GFRA1: variants seen among roughly 807,000 people sequenced by gnomAD.
GFRA1 encodes the protein GDNF family receptor alpha-1.
In GFRA1, 16 loss-of-function variants were observed where a neutral mutation model predicts 51.6. The ratio of observed to expected loss-of-function variants is 0.31; its 90% CI spans 0.21 to 0.47. The LOEUF (loss-of-function observed/expected upper bound fraction) is 0.47, where lower values mean the gene tolerates loss of function less well. Among genes scored for constraint, GFRA1 ranks in the 20% least tolerant of loss-of-function variants. The pLI, the probability that GFRA1 is intolerant of heterozygous loss-of-function variation, is 1.00. For missense variants in GFRA1, 530 were observed against 594.3 expected (o/e 0.89, Z 1.13); for synonymous variants, 270 against 241.3 (o/e 1.12, Z -1.10).
intron 4 of GFRA1, among the ~76,000 whole-genome samples, chr10:116,244,700 G>C (rs896152558): frequency 3.3e-5 from 5 of 151,902 alleles, no homozygotes; most frequent in African/African-American, 1.2e-4. Flanking sequence ...TTGAAAATAG[G>C]ATTCCAAAGT....
intron 4 of GFRA1, among the ~76,000 whole-genome samples, chr10:116,260,872 C>G (rs1015268996): frequency 1.3e-5 from 2 of 151,556 alleles, no homozygotes; most frequent in Non-Finnish European, 3.0e-5. Flanking sequence ...AAGTGGTAAG[C>G]TCCTTTAACA....
Position 116,176,526 on chromosome 10 carries a change from C to T in GFRA1, c.433+35105G>A, listed in dbSNP as rs183390375. Among the ~76,000 whole-genome samples the T allele has an allele frequency of 3.3e-5, 5 of 152,216 alleles. No homozygotes were observed. The East Asian group carries it at 9.6e-4, about 29-fold the overall frequency. ...CTATCTCTTGCCACATCAAATGCTG[C>T]TCCCCCTTTACCTTCTGCCATGATT... On this transcript the variant is annotated intron_variant, in intron 5 of 10. Transcript: ENST00000355422.
intron 9 of GFRA1, among the ~76,000 whole-genome samples, chr10:116,077,801 T>TG (rs918937280): frequency 2.0e-5 from 3 of 152,118 alleles, no homozygotes; most frequent in Non-Finnish European, 2.9e-5. Context: ...GTCGGCAGGC[T>TG]GGGGGGGACA....
At chr10:116,105,724 TCCAGCAA>T (rs1423364592) in intron 6 of GFRA1, among the ~76,000 whole-genome samples, 1 of 152,202 alleles carries the variant, frequency 6.6e-6, no homozygotes, top group Non-Finnish European at 1.5e-5. Context: ...TTCAGAGATT[TCCAGCAA>T]CCACTGGGAA....
At chr10:116,069,361 C>T (rs148498330) in intron 9 of GFRA1, among the ~76,000 whole-genome samples, 4 of 152,094 alleles carry the variant, frequency 2.6e-5, no homozygotes, top group Admixed American at 2.0e-4. Context: ...GGGGAAACAC[C>T]ACCACTGAAA....
At chr10:116,164,127 GC>G (rs1403284706) in intron 5 of GFRA1, among the ~76,000 whole-genome samples, 1 of 152,098 alleles carries the variant, frequency 6.6e-6, no homozygotes, top group Non-Finnish European at 1.5e-5. Flanking sequence ...GGCCCTGCTT[GC>G]CACAGATGGA....
At chr10:116,211,506 CCT>C in intron 5 of GFRA1, 123 bp downstream of exon 5, 4 of 863,154 alleles carry the variant, frequency 4.6e-6, no homozygotes, top group Non-Finnish European at 7.6e-6. Context: ...TCATGGTGTC[CCT>C]GAGGGCCTAA....
intron 5 of GFRA1, among the ~76,000 whole-genome samples, chr10:116,161,809 G>A (rs1232253133): frequency 6.6e-6 from 1 of 152,142 alleles, no homozygotes; most frequent in African/African-American, 2.4e-5. Context: ...ACTCAGTCTT[G>A]GCTATGTTTT....
intron 10 of GFRA1, among the ~76,000 whole-genome samples, chr10:116,064,899 A>T (rs1565548025): frequency 6.6e-6 from 1 of 152,070 alleles, no homozygotes; most frequent in Non-Finnish European, 1.5e-5. Context: ...AGCGTTGGAG[A>T]CAGGCAGAGC....
At chr10:116,119,038 C>A (rs1346445687) in intron 6 of GFRA1, among the ~76,000 whole-genome samples, 1 of 152,200 alleles carries the variant, frequency 6.6e-6, no homozygotes, top group Non-Finnish European at 1.5e-5. Flanking sequence ...CTGGCTCCTG[C>A]CTGGTCCAGG....
intron 8 of GFRA1, among the ~76,000 whole-genome samples, 198 bp downstream of exon 8, chr10:116,093,503 GC>G (rs1006997236): frequency 6.6e-6 from 1 of 152,072 alleles, no homozygotes; most frequent in Non-Finnish European, 1.5e-5. Context: ...ACACGGGGTG[GC>G]CCACAAAAGG....
rs539690615 is a variant in GFRA1, at chr10:116,211,538, C to A, written c.433+93G>T. ...GCCTAAATGACATGTCCATAGAGAA[C>A]GGGAAACCCCATAACCCTCTGTACA... is the stretch of plus-strand genomic sequence containing the variant. On this transcript the variant is annotated intron_variant, in intron 5 of 10. Transcript: ENST00000355422. The A allele has an allele frequency of 2.5e-5, 29 of 1,178,866 alleles. No homozygotes were observed. The South Asian group carries it at 3.6e-4, about 15-fold the overall frequency. The allele number at this position is 1,178,866 out of a possible 1,614,324, so 73.0% of individuals were successfully genotyped here.
intron 4 of GFRA1, among the ~76,000 whole-genome samples, chr10:116,252,956 AC>A (rs1251243999): frequency 6.6e-6 from 1 of 151,978 alleles, no homozygotes; most frequent in Non-Finnish European, 1.5e-5. Flanking sequence ...ATAGCACTGC[AC>A]CCCCCGGCCA....
intron 6 of GFRA1, among the ~76,000 whole-genome samples, chr10:116,106,963 A>C (rs2694793): frequency 0.18 from 27,298 of 152,158 alleles, 2,492 homozygotes; most frequent in Middle Eastern, 0.23. Flanking sequence ...GACACCGGCA[A>C]TCGCTTTGCC....
At position 116,061,011 on chromosome 10, in the gene GFRA1, A is replaced by T. The variant is rs1481805058; in HGVS notation, c.*3387T>A. ...GACTCCAAAATGCTTTGGCTCTCCC[A>T]CTCTCCTAGTATAGCAGATGGAGTG... On this transcript the variant is annotated 3_prime_UTR_variant, in exon 11 of 11. Transcript: ENST00000355422. The T allele has an allele frequency of 6.6e-6, 1 of 151,994 alleles. No individual in the cohort carries two copies. Among genetic ancestry groups the T allele is most frequent in the Non-Finnish European group, 1.5e-5 (1 of 68,012 alleles). 9.4% of individuals were successfully genotyped at this position (151,994 alleles called of 1,614,324 possible). A position where few individuals can be genotyped will look rare whatever the true frequency, so the allele number is the denominator to read the frequency against.
At chr10:116,228,710 C>T (rs571534952) in intron 4 of GFRA1, among the ~76,000 whole-genome samples, 2 of 151,620 alleles carry the variant, frequency 1.3e-5, no homozygotes, top group Non-Finnish European at 2.9e-5. Context: ...GGGCCGGGCA[C>T]GGTGGCTCAC....
chr10:116,248,708 T>A (rs1241850324), intron 4 of GFRA1, among the ~76,000 whole-genome samples: 1 of 152,142 alleles, frequency 6.6e-6, no homozygotes, highest in Non-Finnish European at 1.5e-5. Context: ...TTGAGAAAAC[T>A]GAGGCTGGTG....
At chr10:116,241,475 T>C (rs1967372779) in intron 4 of GFRA1, among the ~76,000 whole-genome samples, 1 of 152,228 alleles carries the variant, frequency 6.6e-6, no homozygotes, top group African/African-American at 2.4e-5. Flanking sequence ...CTGCAATGTC[T>C]TCCTTCCCAA....
chr10:116,119,095 C>A (rs1957545414), intron 6 of GFRA1, among the ~76,000 whole-genome samples: 1 of 152,188 alleles, frequency 6.6e-6, no homozygotes, highest in East Asian at 1.9e-4. Flanking sequence ...TCTGCTGCTG[C>A]TGAGTGGAGC....
Sources: gnomAD v4.1 joint callset for allele counts (sites outside exome capture counted in the v4.1 genomes callset) on GRCh38, gnomAD v4.1.1 for gene constraint, MANE v1.5 for transcripts, NCBI Gene and HGNC (gene_info 2026-07-23, HGNC 2026-07-21) for gene names.